The following DDX55 variants were observed in gnomAD, a reference collection of about 807,000 sequenced individuals.
The protein encoded by DDX55 is ATP-dependent RNA helicase DDX55.
DDX55 carries 56 observed loss-of-function variants against 69.2 expected under a neutral mutation model. That is an observed-to-expected ratio of 0.81 (90% CI 0.65 to 1.01). The LOEUF is 1.01. DDX55 is among the 50% of genes least tolerant of loss of function. The pLI is 0.00. For synonymous variants in DDX55, 268 were observed against 273.1 expected, an observed-to-expected ratio of 0.98 and a Z score of 0.18; for missense variants, 720 against 745.1, an observed-to-expected ratio of 0.97 and a Z score of 0.39.
rs1955058504 is a variant in DDX55 at position 123,620,583 on chromosome 12, TATATATATATATATATA to T, written c.*444_*460del. On this transcript the variant is annotated 3_prime_UTR_variant, in exon 14 of 14. Transcript: ENST00000238146. ...CACATATAGACATATGTACATATTA[TATATATATATATATATA>T]TATATATATATATATATATATATAT... 23 of 25,444 alleles carry T rather than the reference TATATATATATATATATA, an allele frequency of 9.0e-4. No homozygotes were observed. Among genetic ancestry groups the T allele is most frequent in the African/African-American group, 3.0e-3 (23 of 7,562 alleles). The allele number at this position is 25,444 out of a possible 1,614,324, so 1.6% of individuals were successfully genotyped here.
rs538959609 is a variant in DDX55 at position 123,607,417 on chromosome 12, C to A, written c.247-15C>A. ...CTTGTGCTGCTGACTGTGTCCCTTCCTTCCATGTGGGTAGGTTGGAGCCAT... is the reference window on the plus strand; with the variant it reads ...CTTGTGCTGCTGACTGTGTCCCTTCATTCCATGTGGGTAGGTTGGAGCCAT... On this transcript the variant is annotated splice_polypyrimidine_tract_variant and intron_variant, in intron 3 of 13. Transcript: ENST00000238146. 5.6e-6 allele frequency: 9 copies of A among 1,613,688 alleles called. No homozygotes were observed. In the South Asian group the frequency reaches 9.9e-5, roughly 18 times the overall value.
chr12:123,617,950 T>C (rs766430256), intron 11 of DDX55, 78 bp downstream of exon 11: 45 of 1,443,338 alleles, frequency 3.1e-5, no homozygotes, highest in Admixed American at 1.6e-4. Flanking sequence ...TGGTCAGCAA[T>C]TGAAATTACG....
In DDX55 at chr12:123,607,391, C is replaced by T. The variant is rs1055662108; in HGVS notation, c.247-41C>T. On this transcript the variant is annotated intron_variant, in intron 3 of 13. Transcript: ENST00000238146. Reference sequence around the variant, plus strand: ...GCCTATGAGTTCCTCTCTGGGAGTCCCTTGTGCTGCTGACTGTGTCCCTTC... The same window carrying T: ...GCCTATGAGTTCCTCTCTGGGAGTCTCTTGTGCTGCTGACTGTGTCCCTTC... The T allele has an allele frequency of 3.1e-6, 5 of 1,607,486 alleles. No homozygotes were observed. The African/African-American group carries it at 4.0e-5, about 13-fold the overall frequency.
At chr12:123,619,406 T>C in intron 12 of DDX55, 26 bp from the exon 13 acceptor site, 1 of 1,599,218 alleles carries the variant, frequency 6.3e-7, no homozygotes, top group Non-Finnish European at 8.5e-7. Context: ...TTGAGTGCGC[T>C]AACTCTGATC....
At position 123,620,356 on chromosome 12, in the gene DDX55, T is replaced by G; in HGVS notation, c.*216T>G. 1 of 403,106 alleles carries G rather than the reference T, an allele frequency of 2.5e-6. No homozygotes were observed. Among genetic ancestry groups the G allele is most frequent in the Non-Finnish European group, 4.3e-6 (1 of 233,396 alleles). 25.0% of individuals were successfully genotyped at this position (403,106 alleles called of 1,614,324 possible). A position where few individuals can be genotyped will look rare whatever the true frequency, so the allele number is the denominator to read the frequency against. On this transcript the variant is annotated 3_prime_UTR_variant, in exon 14 of 14. Coordinates refer to ENST00000238146, the MANE Select transcript of DDX55 (RefSeq NM_020936.3). ...AGTCTTGGCCGGGTGCGGTGGCTCC[T>G]GCCTATAATCCCAGCACTTTGGGAG...
chr12:123,615,913 C>T (rs1214361900), intron 9 of DDX55, among the ~76,000 whole-genome samples: 2 of 152,142 alleles, frequency 1.3e-5, no homozygotes, highest in African/African-American at 2.4e-5. Context: ...ACCCAGGAGG[C>T]GGAGCTTGCA....
At chr12:123,611,922 T>C (rs1483033365) in intron 7 of DDX55, among the ~76,000 whole-genome samples, 1 of 152,194 alleles carries the variant, frequency 6.6e-6, no homozygotes, top group Non-Finnish European at 1.5e-5. Context: ...CCGATGAACT[T>C]AGAGGTCCTT....
chr12:123,607,355 G>A (rs1285161725), intron 3 of DDX55, 77 bp from the exon 4 acceptor site: 5 of 1,494,334 alleles, frequency 3.3e-6, no homozygotes, highest in African/African-American at 1.4e-5. Flanking sequence ...TTGTGTGGTA[G>A]AGGGCGGAGG....
At chr12:123,605,407 T>C (rs531190845) in intron 1 of DDX55, 5 of 206,952 alleles carry the variant, frequency 2.4e-5, no homozygotes, top group Non-Finnish European at 5.0e-5. Context: ...GCAATCACTG[T>C]GTAGAGGCAG....
chr12:123,602,365 C>A, intron 1 of DDX55, 109 bp downstream of exon 1: 1 of 1,042,006 alleles, frequency 9.6e-7, no homozygotes, highest in Non-Finnish European at 1.3e-6. Flanking sequence ...GCGCTCATCC[C>A]TCCAGCTGGG....
At chr12:123,613,309 G>A in intron 8 of DDX55, 57 bp downstream of exon 8, 1 of 1,555,354 alleles carries the variant, frequency 6.4e-7, no homozygotes, top group Non-Finnish European at 8.8e-7. Flanking sequence ...ATGTGCAGGT[G>A]CATGCGGCCT....
chr12:123,620,796 T>C lies in DDX55; in HGVS notation c.*656T>C, dbSNP rs998336953. The C allele has an allele frequency of 6.6e-5, 10 of 151,600 alleles. No individual in the cohort carries two copies. Among genetic ancestry groups the C allele is most frequent in the Admixed American group, 4.0e-4 (6 of 15,168 alleles). The allele number at this position is 151,600 out of a possible 1,614,324, so 9.4% of individuals were successfully genotyped here. A position where few individuals can be genotyped will look rare whatever the true frequency, so the allele number is the denominator to read the frequency against. On this transcript the variant is annotated 3_prime_UTR_variant, in exon 14 of 14. Transcript: ENST00000238146. ...TCCTTTGATGTCCTGCAGGGGTGGC[T>C]AATGTGCTGGGGTTTTTCTGTGTTA...
chr12:123,610,229 T>A, intron 7 of DDX55, 101 bp downstream of exon 7: 1 of 1,416,800 alleles, frequency 7.1e-7, no homozygotes, highest in Non-Finnish European at 9.4e-7. Flanking sequence ...GTAGCACCTA[T>A]GAAATGCATT....
At chr12:123,618,489 T>G (rs1034447403) in intron 11 of DDX55, 180 bp from the exon 12 acceptor site, 85 of 1,528,470 alleles carry the variant, frequency 5.6e-5, no homozygotes, top group Non-Finnish European at 7.3e-5. Flanking sequence ...TTTTAAATTT[T>G]CTTTTAAAAA....
chr12:123,618,112 G>A (rs1954829623), intron 11 of DDX55: 1 of 444,984 alleles, frequency 2.2e-6, no homozygotes, highest in African/African-American at 2.0e-5. Flanking sequence ...CACCTCCCGG[G>A]TTCAATGGAT....
rs1239777023 is a variant in DDX55 at position 123,613,250 on chromosome 12, C to T, written c.822C>T (p.Phe274=). ...AGCAGGAGAAACACCTGGTCTTCTT[C>T]AGGTACTCCTCTGGTCTCTGTGGTA... ...NHKQEKHLVF[F]STCACVEYYG... Residue 274 remains phenylalanine (F), a splice_region_variant and synonymous_variant, in exon 8 of 14, where the codon TTC becomes TTT. Transcript: ENST00000238146. 1 of 1,613,964 alleles carries T rather than the reference C, an allele frequency of 6.2e-7. No individual in the cohort carries two copies. The highest frequency in any genetic ancestry group is 1.3e-5 in the African/African-American group (1 of 74,908).
chr12:123,605,783 A>C, intron 1 of DDX55, 148 bp from the exon 2 acceptor site: 2 of 1,062,324 alleles, frequency 1.9e-6, no homozygotes, highest in Non-Finnish European at 2.9e-6. Context: ...GTTTGATTCA[A>C]CTTCTCTATG....
At position 123,619,968 on chromosome 12, in the gene DDX55, C is replaced by A; in HGVS notation, c.1631C>A (p.Ser544Tyr). The change falls in exon 14 of 14, where the codon TCT becomes TAT. Residue 544 changes from serine to tyrosine, a missense_variant. By Grantham distance (144) the Ser-to-Tyr change is moderately radical. Coordinates refer to ENST00000238146, the MANE Select transcript of DDX55 (RefSeq NM_020936.3). ...MNEKRKREEG[S>Y]DIEDEDMEEL... Reference sequence around the variant, plus strand: ...ATTGGTTTCTTCTGCACTTAGGGTTCTGATATTGAAGATGAGGACATGGAA... The same window carrying A: ...ATTGGTTTCTTCTGCACTTAGGGTTATGATATTGAAGATGAGGACATGGAA... 1 of 1,612,194 alleles carries A rather than the reference C, an allele frequency of 6.2e-7. No homozygotes were observed. Among genetic ancestry groups the A allele is most frequent in the South Asian group, 1.1e-5 (1 of 90,836 alleles).
chr12:123,608,812 C>T lies in DDX55; in HGVS notation c.534C>T (p.Asp178=). The change falls in exon 6 of 14, where the codon GAC becomes GAT. Residue 178 remains aspartate, a synonymous_variant. Coordinates refer to ENST00000238146, the MANE Select transcript of DDX55 (RefSeq NM_020936.3). ...TGGATGAGGCAGACAGACTTCTGGA[C>T]ATGGGGTTTGAGGCAAGGTACTGGA... ...LVLDEADRLL[D]MGFEASINTI... is the part of the protein sequence containing the mutation. The T allele has an allele frequency of 6.2e-7, 1 of 1,613,998 alleles. No homozygotes were observed. The highest frequency in any genetic ancestry group is 8.5e-7 in the Non-Finnish European group (1 of 1,179,948).
Sources: allele counts gnomAD v4.1 joint callset (sites outside exome capture counted in the v4.1 genomes callset), GRCh38; gene constraint gnomAD v4.1.1; transcripts MANE v1.5; gene names NCBI Gene and HGNC (gene_info 2026-07-23, HGNC 2026-07-21).